STAT5A: variants seen among roughly 807,000 people sequenced by gnomAD.
STAT5A encodes signal transducer and activator of transcription 5A.
STAT5A carries 26 observed loss-of-function variants against 100.2 expected under a neutral mutation model. That is an observed-to-expected ratio of 0.26 (90% CI 0.19 to 0.36). The LOEUF (loss-of-function observed/expected upper bound fraction) is 0.36. STAT5A is among the 10% of genes least tolerant of loss of function. The pLI, the probability that STAT5A is intolerant of heterozygous loss-of-function variation, is 1.00. For missense variants in STAT5A, 634 were observed against 1,027.5 expected, an observed-to-expected ratio of 0.62 and a Z score of 5.24; for synonymous variants, 330 against 424.3, an observed-to-expected ratio of 0.78 and a Z score of 2.73.
chr17:42,298,661 T>C (rs2080944159), intron 5 of STAT5A, among the ~76,000 whole-genome samples: 1 of 151,758 alleles, frequency 6.6e-6, no homozygotes, highest in South Asian at 2.1e-4. Flanking sequence ...TTAGTAGAGA[T>C]GGGGTTTCAC....
intron 4 of STAT5A, among the ~76,000 whole-genome samples, chr17:42,293,554 A>G (rs1286924872): frequency 6.6e-6 from 1 of 152,210 alleles, no homozygotes; most frequent in Non-Finnish European, 1.5e-5. Context: ...TACTCAGTAG[A>G]CATTTATTGA....
At position 42,306,135 on chromosome 17, in the gene STAT5A, A is replaced by G. The variant is rs1338512437; in HGVS notation, c.1474-106A>G. The G allele has an allele frequency of 2.6e-6, 4 of 1,565,968 alleles. No individual in the cohort carries two copies. In the Admixed American group the frequency reaches 7.3e-5, roughly 29 times the overall value. On this transcript the variant is annotated intron_variant, in intron 12 of 18. Coordinates refer to ENST00000590949, the MANE Select transcript of STAT5A (RefSeq NM_001288718.2). ...CCTTGCATTTGTGTCACCTTTCTGG[A>G]TCTGTCTCAGTCTCCTCTGTCTCTA...
chr17:42,293,898 G>A (rs1026415167), intron 4 of STAT5A, among the ~76,000 whole-genome samples: 3 of 152,204 alleles, frequency 2.0e-5, no homozygotes, highest in Non-Finnish European at 4.4e-5. Flanking sequence ...AAGGAACCAA[G>A]TGGGGAGTTG....
intron 3 of STAT5A, among the ~76,000 whole-genome samples, chr17:42,290,652 C>G (rs1204873761): frequency 6.6e-6 from 1 of 152,052 alleles, no homozygotes; most frequent in Non-Finnish European, 1.5e-5. Context: ...CAGGAGAAGC[C>G]TGAGGGGAAG....
At chr17:42,309,732 G>A (rs897448900) in intron 18 of STAT5A, 25 of 429,436 alleles carry the variant, frequency 5.8e-5, no homozygotes, top group African/African-American at 4.0e-4. Context: ...TTCCTTATGT[G>A]TAAAACGGAG....
Position 42,310,765 on chromosome 17 carries a change from G to A in STAT5A, c.*96G>A. The A allele has an allele frequency of 2.6e-6, 4 of 1,555,200 alleles. No homozygotes were observed. Among genetic ancestry groups the A allele is most frequent in the Non-Finnish European group, 3.5e-6 (4 of 1,150,178 alleles). On this transcript the variant is annotated 3_prime_UTR_variant, in exon 19 of 19. Transcript: ENST00000590949. ...GGCTGTGTACACTGACACCTTTGCA[G>A]GCATGCATGTGCTTGTGTGTGTGTG...
At chr17:42,287,572 A>C (rs1332754341), upstream of STAT5A, 1 of 152,360 alleles carries the variant, frequency 6.6e-6, no homozygotes, top group Admixed American at 6.5e-5. Flanking sequence ...TGCTGTGGCA[A>C]GGCCTGTAGA....
chr17:42,296,372 C>T (rs927551809), intron 5 of STAT5A, among the ~76,000 whole-genome samples: 3 of 151,856 alleles, frequency 2.0e-5, no homozygotes, highest in African/African-American at 4.8e-5. Flanking sequence ...GTCTGTAGTT[C>T]GCCAATGGCT....
rs772198739 is a variant in STAT5A, at chr17:42,301,338, C to T, written c.1053C>T (p.Thr351=). ...AGACCCAGACCAAGTTTGCAGCCAC[C>T]GTACGCCTGCTGGTGGGCGGGAAGC... ...VLKTQTKFAA[T]VRLLVGGKLN... Residue 351 remains threonine, a synonymous_variant, in exon 9 of 19, where the codon ACC becomes ACT. Transcript: ENST00000590949. The T allele has an allele frequency of 8.7e-5, 140 of 1,614,186 alleles. No individual in the cohort carries two copies. In the South Asian group the frequency reaches 8.8e-4, roughly 10 times the overall value.
intron 14 of STAT5A, 44 bp from the exon 15 acceptor site, chr17:42,307,547 CTG>C (rs1233447716): frequency 6.2e-7 from 1 of 1,613,940 alleles, no homozygotes; most frequent in Non-Finnish European, 8.5e-7. Context: ...CGCAGAGAGA[CTG>C]TGGCTGTGGC....
At chr17:42,306,072 A>C (rs1301627069) in intron 12 of STAT5A, 169 bp from the exon 13 acceptor site, 24 of 1,193,158 alleles carry the variant, frequency 2.0e-5, no homozygotes, top group Non-Finnish European at 2.7e-5. Flanking sequence ...TGGGAAAAAA[A>C]GTGCAAGCTA....
rs1219167863 is a variant in STAT5A, at chr17:42,306,454, G to A, written c.1680+7G>A. 11 of 1,608,238 alleles carry A rather than the reference G, an allele frequency of 6.8e-6. No homozygotes were observed. In the South Asian group the frequency reaches 7.8e-5, roughly 11 times the overall value. On this transcript the variant is annotated splice_region_variant and intron_variant, in intron 13 of 18. Transcript: ENST00000590949. ...CTGGTCCCAGTTCAACAGGGTGAGG[G>A]GCCCAGCTGCCAGCCGCCCACCAGG...
chr17:42,306,398 A>G lies in STAT5A; in HGVS notation c.1631A>G (p.His544Arg), dbSNP rs1567693684. 2 of 1,614,008 alleles carry G rather than the reference A, an allele frequency of 1.2e-6. No homozygotes were observed. Among genetic ancestry groups the G allele is most frequent in the South Asian group, 1.1e-5 (1 of 91,058 alleles). The part of the protein sequence containing the change: ...AQKLFNNSSS[H>R]LEDYSGLSVS... ...AAACTGTTCAACAACAGCAGCAGCCACCTGGAGGACTACAGTGGCCTGTCC... is the reference window on the plus strand; with the variant it reads ...AAACTGTTCAACAACAGCAGCAGCCGCCTGGAGGACTACAGTGGCCTGTCC... Residue 544 changes from histidine (H) to arginine (R), a missense_variant, in exon 13 of 19, where the codon CAC (histidine) becomes CGC (arginine). His to Arg is a conservative substitution (Grantham distance 29). Around this residue, in one of 5 missense-constraint regions of STAT5A, gnomAD observed 210 missense variants for 428.4 expected, o/e 0.49. Transcript: ENST00000590949.
chr17:42,306,920 A>G (rs974625965), intron 13 of STAT5A, among the ~76,000 whole-genome samples: 6 of 151,994 alleles, frequency 3.9e-5, no homozygotes, highest in African/African-American at 1.4e-4. Flanking sequence ...GGGTTTCACC[A>G]TGTTGGTCAG....
intron 7 of STAT5A, 39 bp downstream of exon 7, chr17:42,300,320 G>A (rs1371092157): frequency 6.3e-7 from 1 of 1,591,904 alleles, no homozygotes; most frequent in Non-Finnish European, 8.6e-7. Context: ...GGCAGGAGGG[G>A]CTGGTGGGGA....
At chr17:42,298,881 C>G (rs2080947060) in intron 5 of STAT5A, among the ~76,000 whole-genome samples, 1 of 152,152 alleles carries the variant, frequency 6.6e-6, no homozygotes, top group African/African-American at 2.4e-5. Context: ...AGGGAAGCCG[C>G]CTCCCTTCGG....
intron 9 of STAT5A, among the ~76,000 whole-genome samples, chr17:42,302,669 C>G (rs997978867): frequency 6.6e-6 from 1 of 152,190 alleles, no homozygotes; most frequent in East Asian, 1.9e-4. Context: ...CGAGGTGGCT[C>G]ACGCCTGTAA....
At chr17:42,301,196 A>AC (rs1279641992) in intron 8 of STAT5A, 79 bp from the exon 9 acceptor site, 1 of 1,554,248 alleles carries the variant, frequency 6.4e-7, no homozygotes, top group South Asian at 1.2e-5. Context: ...AGGCAGCCCC[A>AC]CCCCCACCAC....
At chr17:42,292,714 C>A (rs1456914725) in intron 4 of STAT5A, among the ~76,000 whole-genome samples, 1 of 151,386 alleles carries the variant, frequency 6.6e-6, no homozygotes, top group Non-Finnish European at 1.5e-5. Context: ...GCAACCTCTG[C>A]CTCCCAGGTT....
Sources: gnomAD v4.1 joint callset for allele counts (sites outside exome capture counted in the v4.1 genomes callset) on GRCh38, gnomAD v4.1.1 for gene constraint, gnomAD v4.1.1 regional missense constraint, MANE v1.5 for transcripts, NCBI Gene and HGNC (gene_info 2026-07-23, HGNC 2026-07-21) for gene names.